FHOD3: variants seen among roughly 807,000 people sequenced by gnomAD.
FHOD3 encodes formin homology 2 domain containing 3.
A neutral mutation model predicts 173.0 loss-of-function variants in FHOD3; 90 were observed. That is an observed-to-expected ratio of 0.52 (90% CI 0.44 to 0.62). The LOEUF is 0.62. FHOD3 is among the 20% of genes least tolerant of loss of function. The pLI is 0.00. For synonymous variants in FHOD3, 828 were observed against 823.0 expected, an observed-to-expected ratio of 1.01 and a Z score of -0.10; for missense variants, 1,945 against 2,034.7, an observed-to-expected ratio of 0.96 and a Z score of 0.85.
chr18:36,512,534 A>G lies in FHOD3; in HGVS notation c.502A>G (p.Ile168Val), dbSNP rs1323910875. Residue 168 changes from isoleucine (I) to valine (V), a missense_variant, in exon 5 of 29, where the codon ATC becomes GTC. Physicochemically the swap from Ile to Val is conservative, Grantham distance 29. Around this residue, in one of 5 missense-constraint regions of FHOD3, gnomAD observed 245 missense variants for 267.7 expected, o/e 0.92. Coordinates refer to ENST00000590592, the MANE Select transcript of FHOD3 (RefSeq NM_001281740.3). ...GGCTGATCAGAACTATCAGAACTAC[A>G]TCTTAAGGGGTAAGTCATGACTGGG... is the stretch of plus-strand genomic sequence containing the variant. ...AEADQNYQNY[I>V]LRALGQIMLY... The G allele has an allele frequency of 6.2e-7, 1 of 1,613,206 alleles. No individual in the cohort carries two copies. The highest frequency in any genetic ancestry group is 8.5e-7 in the Non-Finnish European group (1 of 1,179,254).
intron 5 of FHOD3, among the ~76,000 whole-genome samples, chr18:36,558,093 A>G (rs1327841011): frequency 6.6e-6 from 1 of 152,146 alleles, no homozygotes; most frequent in African/African-American, 2.4e-5. Context: ...ACTGAAGTAC[A>G]TTCCTGCACT....
intron 10 of FHOD3, among the ~76,000 whole-genome samples, chr18:36,642,352 G>T (rs951514977): frequency 1.3e-5 from 2 of 152,120 alleles, no homozygotes; most frequent in African/African-American, 2.4e-5. Context: ...AGGCGCAGTG[G>T]TTCATGCCTG....
chr18:36,728,518 T>C (rs525374), intron 19 of FHOD3, among the ~76,000 whole-genome samples: 121,876 of 151,996 alleles, frequency 0.8, 49,527 homozygotes, highest in African/African-American at 0.93. Flanking sequence ...AGCTGACAAC[T>C]CTACCCACAG....
In FHOD3 at chr18:36,356,659, G is replaced by A. The variant is rs1028243251; in HGVS notation, c.272+1014G>A. On this transcript the variant is annotated intron_variant, in intron 2 of 28. Transcript: ENST00000590592. Reference sequence around the variant, plus strand: ...TATATATATATGTTATTTTTGAGACGGAATCTCGCTCTGTCACCCAGGCTG... The same window carrying A: ...TATATATATATGTTATTTTTGAGACAGAATCTCGCTCTGTCACCCAGGCTG... Among the ~76,000 whole-genome samples, 11 of 151,382 alleles carry A rather than the reference G, an allele frequency of 7.3e-5. No homozygotes were observed. The East Asian group carries it at 1.9e-3, about 27-fold the overall frequency.
intron 8 of FHOD3, among the ~76,000 whole-genome samples, chr18:36,608,498 A>G (rs1346896880): frequency 1.3e-5 from 2 of 152,170 alleles, no homozygotes; most frequent in Non-Finnish European, 2.9e-5. Context: ...CCAACACATG[A>G]ACTTTGGGTG....
chr18:36,476,731 C>A (rs1190427829), intron 3 of FHOD3, among the ~76,000 whole-genome samples: 2 of 152,158 alleles, frequency 1.3e-5, no homozygotes, highest in Non-Finnish European at 2.9e-5. Context: ...CAAAGGAAAG[C>A]AATCTCTTGA....
At chr18:36,674,558 C>T (rs2037727977) in intron 14 of FHOD3, among the ~76,000 whole-genome samples, 1 of 152,068 alleles carries the variant, frequency 6.6e-6, no homozygotes, top group African/African-American at 2.4e-5. Flanking sequence ...TGCATTTATT[C>T]AGCAACTAGG....
At chr18:36,640,295 T>TA (rs1378559738) in intron 10 of FHOD3, among the ~76,000 whole-genome samples, 1 of 152,234 alleles carries the variant, frequency 6.6e-6, no homozygotes, top group Non-Finnish European at 1.5e-5. Flanking sequence ...GCAGAAACTT[T>TA]AAAAAACTTG....
chr18:36,746,161 C>G (rs1333818805), intron 23 of FHOD3, among the ~76,000 whole-genome samples: 1 of 152,140 alleles, frequency 6.6e-6, no homozygotes, highest in Non-Finnish European at 1.5e-5. Context: ...GGCAATCCAG[C>G]CTGTCTGCAC....
intron 18 of FHOD3, among the ~76,000 whole-genome samples, chr18:36,714,749 A>G (rs1264588964): frequency 2.6e-5 from 4 of 152,174 alleles, no homozygotes; most frequent in Non-Finnish European, 5.9e-5. Flanking sequence ...CTCAGATGGC[A>G]TCTCATCTCC....
chr18:36,304,765 A>G (rs6507163), intron 1 of FHOD3, among the ~76,000 whole-genome samples: 1,789 of 152,342 alleles, frequency 0.012, 36 homozygotes, highest in African/African-American at 0.041. Context: ...GAGATATTAT[A>G]CCTGTGGTTT....
intron 3 of FHOD3, among the ~76,000 whole-genome samples, chr18:36,485,006 C>G (rs1444297052): frequency 1.3e-5 from 2 of 152,252 alleles, no homozygotes; most frequent in East Asian, 3.9e-4. Flanking sequence ...ACTTCATTCC[C>G]GGTGATCACG....
chr18:36,591,791 G>A (rs1373056592), intron 6 of FHOD3, among the ~76,000 whole-genome samples: 1 of 152,046 alleles, frequency 6.6e-6, no homozygotes, highest in Non-Finnish European at 1.5e-5. Flanking sequence ...AGATGTGGTG[G>A]CATGTACCTA....
intron 24 of FHOD3, among the ~76,000 whole-genome samples, chr18:36,750,611 T>G (rs1568728022): frequency 1.3e-5 from 2 of 152,230 alleles, no homozygotes; most frequent in East Asian, 3.8e-4. Flanking sequence ...TCCCAGGGTT[T>G]TTATAGTTTT....
At chr18:36,760,878 CT>C in intron 27 of FHOD3, 96 bp downstream of exon 27, 1 of 1,338,448 alleles carries the variant, frequency 7.5e-7, no homozygotes, top group Non-Finnish European at 1.0e-6. Flanking sequence ...ACGGCTGTGA[CT>C]GGCCCTCGGC....
chr18:36,306,396 G>A (rs748453501), intron 1 of FHOD3, among the ~76,000 whole-genome samples: 4 of 152,216 alleles, frequency 2.6e-5, no homozygotes, highest in African/African-American at 4.8e-5. Flanking sequence ...AGGTCTTGAT[G>A]ATGTCTGGTG....
At chr18:36,419,258 A>G (rs1011016793) in intron 3 of FHOD3, among the ~76,000 whole-genome samples, 1 of 151,852 alleles carries the variant, frequency 6.6e-6, no homozygotes, top group African/African-American at 2.4e-5. Flanking sequence ...CTGTGCAGGC[A>G]AAAGGAATTA....
chr18:36,626,588 C>G (rs117406038), intron 10 of FHOD3, among the ~76,000 whole-genome samples: 1 of 152,076 alleles, frequency 6.6e-6, no homozygotes, highest in African/African-American at 2.4e-5. Context: ...CTTTAGGCTC[C>G]AGTCTCTGCC....
intron 9 of FHOD3, among the ~76,000 whole-genome samples, chr18:36,624,065 G>A (rs1599923207): frequency 1.3e-5 from 2 of 152,328 alleles, no homozygotes; most frequent in East Asian, 1.9e-4. Flanking sequence ...CCACAAGGCT[G>A]GAGAACTTGC....
Sources: allele counts gnomAD v4.1 joint callset (sites outside exome capture counted in the v4.1 genomes callset), GRCh38; gene constraint gnomAD v4.1.1; regional missense constraint gnomAD v4.1.1; transcripts MANE v1.5; gene names NCBI Gene and HGNC (gene_info 2026-07-23, HGNC 2026-07-21).